Variants in CTDP1 observed in about 807,000 individuals in gnomAD.
CTDP1 encodes the protein RNA polymerase II subunit A C-terminal domain phosphatase.
Under a neutral mutation model 91.8 loss-of-function variants are expected in CTDP1, and 47 were observed. The ratio of observed to expected loss-of-function variants is 0.51; its 90% CI spans 0.41 to 0.65. The LOEUF (loss-of-function observed/expected upper bound fraction) is 0.65, where lower values mean the gene tolerates loss of function less well. CTDP1 is among the 30% of genes least tolerant of loss of function. The pLI, the probability that CTDP1 is intolerant of heterozygous loss-of-function variation, is 0.00. For missense variants in CTDP1, 1,272 were observed against 1,373.7 expected (o/e 0.93, Z 1.17); for synonymous variants, 656 against 598.5 (o/e 1.10, Z -1.40).
At chr18:79,727,741 G>A (rs191093846) in intron 10 of CTDP1, among the ~76,000 whole-genome samples, 1 of 152,012 alleles carries the variant, frequency 6.6e-6, no homozygotes, top group Non-Finnish European at 1.5e-5. Flanking sequence ...CTTCATCCTC[G>A]TGCCTGTCCC....
intron 12 of CTDP1, among the ~76,000 whole-genome samples, chr18:79,745,004 A>G (rs571896037): frequency 3.9e-4 from 60 of 152,286 alleles, no homozygotes; most frequent in African/African-American, 1.3e-3. Flanking sequence ...CCCCATGTCC[A>G]TGGCCAGCTG....
At chr18:79,678,633 A>G (rs1419841153), upstream of CTDP1, 1 of 152,194 alleles carries the variant, frequency 6.6e-6, no homozygotes, top group East Asian at 1.9e-4. Flanking sequence ...ACATGAGAAA[A>G]GTCACCATAT....
intron 12 of CTDP1, among the ~76,000 whole-genome samples, chr18:79,751,844 G>T (rs1263222862): frequency 6.6e-6 from 1 of 152,166 alleles, no homozygotes; most frequent in East Asian, 1.9e-4. Context: ...TTGTATCTAC[G>T]TTAGCTAAGA....
At position 79,714,913 on chromosome 18, in the gene CTDP1, CAGAAGCCGA is replaced by C; in HGVS notation, c.1456_1464del (p.Lys486_Lys488del). 1 of 1,567,152 alleles carries C rather than the reference CAGAAGCCGA, an allele frequency of 6.4e-7. No homozygotes were observed. The highest frequency in any genetic ancestry group is 8.6e-7 in the Non-Finnish European group (1 of 1,156,172). On this transcript the variant is annotated inframe_deletion, in exon 8 of 13. Coordinates refer to ENST00000613122, the MANE Select transcript of CTDP1 (RefSeq NM_004715.5). ...CGAAAGCGAGGGGAAAAGAGGCCGG[CAGAAGCCGA>C]AGGCTGCCCCAGAGGGAGCCGGGGC...
At chr18:79,678,309 C>G (rs536839329), upstream of CTDP1, 1 of 152,370 alleles carries the variant, frequency 6.6e-6, no homozygotes, top group African/African-American at 2.4e-5. Flanking sequence ...GCGCCACAAA[C>G]AGCTATAAAT....
In CTDP1 at chr18:79,737,842, C is replaced by T. The variant is rs76030819; in HGVS notation, c.2747+1321C>T. On this transcript the variant is annotated intron_variant, in intron 12 of 12. Coordinates refer to ENST00000613122, the MANE Select transcript of CTDP1 (RefSeq NM_004715.5). ...TGGAATGACGCAGTGTTTCCTATGACCGTAAATTGCTTTTACCAAATAGAA... is the reference window on the plus strand; with the variant it reads ...TGGAATGACGCAGTGTTTCCTATGATCGTAAATTGCTTTTACCAAATAGAA... Among the ~76,000 whole-genome samples the T allele has an allele frequency of 6.4e-3, 977 of 152,294 alleles. 44 individuals carry two copies. The East Asian group carries it at 0.12, about 18-fold the overall frequency.
At chr18:79,705,022 C>T in intron 5 of CTDP1, 105 bp downstream of exon 5, 1 of 1,542,076 alleles carries the variant, frequency 6.5e-7, no homozygotes, top group African/African-American at 1.4e-5. Context: ...TCTCCTGCAA[C>T]TCAGTTGTAG....
chr18:79,701,937 T>C lies in CTDP1; in HGVS notation c.622-2830T>C, dbSNP rs187258339. On this transcript the variant is annotated intron_variant, in intron 4 of 12. Coordinates refer to ENST00000613122, the MANE Select transcript of CTDP1 (RefSeq NM_004715.5). ...GGATGAAACTCGAACAGATGAGGAG[T>C]TGCTTCTTACGGATGAGCAAAGAAA... Among the ~76,000 whole-genome samples, 236 of 152,054 alleles carry C rather than the reference T, an allele frequency of 1.6e-3. 1 individual carries two copies. Among genetic ancestry groups the C allele is most frequent in the Non-Finnish European group, 2.5e-3 (173 of 67,962 alleles).
chr18:79,698,601 G>A (rs1169566277), intron 4 of CTDP1, among the ~76,000 whole-genome samples: 1 of 152,242 alleles, frequency 6.6e-6, no homozygotes, highest in East Asian at 1.9e-4. Flanking sequence ...GGCTTTGAAT[G>A]TCTGTGCCCA....
intron 1 of CTDP1, among the ~76,000 whole-genome samples, chr18:79,688,620 G>A (rs575659445): frequency 1.3e-4 from 20 of 151,960 alleles, no homozygotes; most frequent in African/African-American, 4.8e-4. Flanking sequence ...GGCTCATCTC[G>A]AACTCCTGAC....
chr18:79,713,263 G>A lies in CTDP1; in HGVS notation c.1030+125G>A, dbSNP rs1052547328. ...ATACACTTTTTTTATTTGTGTTTCA[G>A]TAGAGATTATTGGATTTATTTATAG... On this transcript the variant is annotated intron_variant, in intron 7 of 12. Transcript: ENST00000613122. This position sits in a 1 kb window ranked among gnomAD's most constrained non-coding sequence, Gnocchi z 4.7. 2.8e-5 allele frequency: 29 copies of A among 1,038,524 alleles called. No individual in the cohort carries two copies. The highest frequency in any genetic ancestry group is 3.6e-5 in the Non-Finnish European group (25 of 696,966). The allele number at this position is 1,038,524 out of a possible 1,614,324, so 64.3% of individuals were successfully genotyped here.
At chr18:79,748,780 C>G (rs1287169067) in intron 12 of CTDP1, among the ~76,000 whole-genome samples, 1 of 152,192 alleles carries the variant, frequency 6.6e-6, no homozygotes, top group Non-Finnish European at 1.5e-5. Context: ...TCATCATTAT[C>G]ATGTCTGTGT....
In CTDP1 at chr18:79,697,927, T is replaced by C; in HGVS notation, c.560T>C (p.Val187Ala). 1.2e-6 allele frequency: 2 copies of C among 1,614,192 alleles called. No individual in the cohort carries two copies. Among genetic ancestry groups the C allele is most frequent in the Non-Finnish European group, 1.7e-6 (2 of 1,180,026 alleles). The change falls in exon 4 of 13, where the codon GTG becomes GCG. Residue 187 changes from valine to alanine, a missense_variant. Around this residue, in one of 3 missense-constraint regions of CTDP1, gnomAD observed 177 missense variants for 283.0 expected, o/e 0.63. Coordinates refer to ENST00000613122, the MANE Select transcript of CTDP1 (RefSeq NM_004715.5). ...CGAAACCGGAAGCTGGTGCTCATGG[T>C]GGACTTGGACCAGACGTTGATTCAC... The part of the protein sequence containing the change: ...LHRNRKLVLM[V>A]DLDQTLIHTT...
At chr18:79,725,762 C>T (rs1401432453) in intron 10 of CTDP1, among the ~76,000 whole-genome samples, 1 of 152,050 alleles carries the variant, frequency 6.6e-6, no homozygotes, top group Non-Finnish European at 1.5e-5. Context: ...GGGCCCTCTC[C>T]AGTCCCTCCC....
intron 1 of CTDP1, among the ~76,000 whole-genome samples, chr18:79,681,258 T>G (rs1163441955): frequency 1.3e-5 from 2 of 152,348 alleles, no homozygotes; most frequent in East Asian, 1.9e-4. Flanking sequence ...AGACAGAGCC[T>G]GGGTCCTTGA....
Position 79,708,042 on chromosome 18 carries a change from C to T in CTDP1, c.773-2304C>T, listed in dbSNP as rs150956020. Among the ~76,000 whole-genome samples, 161 of 152,278 alleles carry T rather than the reference C, an allele frequency of 1.1e-3. 1 individual carries two copies. Among genetic ancestry groups the T allele is most frequent in the Middle Eastern group, 6.8e-3 (2 of 294 alleles). ...GAATTTACGCATAGTGAGAAACAAT[C>T]GCATTTATTTCTCCTTTAAGCCCAA... On this transcript the variant is annotated intron_variant, in intron 5 of 12. Transcript: ENST00000613122.
At chr18:79,722,951 T>C (rs2086374923) in intron 10 of CTDP1, among the ~76,000 whole-genome samples, 1 of 152,168 alleles carries the variant, frequency 6.6e-6, no homozygotes, top group Admixed American at 6.5e-5. Context: ...GAGTGTTTTC[T>C]TCTGGTTTAA....
intron 10 of CTDP1, among the ~76,000 whole-genome samples, chr18:79,720,961 C>A (rs572647884): frequency 6.6e-6 from 1 of 152,162 alleles, no homozygotes; most frequent in Non-Finnish European, 1.5e-5. Flanking sequence ...ACGTTTCACT[C>A]AGCAATACCA....
chr18:79,692,543 T>C (rs1016335465), intron 1 of CTDP1, among the ~76,000 whole-genome samples: 1 of 152,262 alleles, frequency 6.6e-6, no homozygotes, highest in African/African-American at 2.4e-5. Flanking sequence ...TCCTTCTTCA[T>C]GTTAACATGT....
Sources: allele counts gnomAD v4.1 joint callset (sites outside exome capture counted in the v4.1 genomes callset), GRCh38; gene constraint gnomAD v4.1.1; regional missense constraint gnomAD v4.1.1; non-coding constraint Gnocchi (gnomAD v3.1); transcripts MANE v1.5; gene names NCBI Gene and HGNC (gene_info 2026-07-23, HGNC 2026-07-21).